The following SPATA9 variants were observed in gnomAD, a reference collection of about 807,000 sequenced individuals.
SPATA9 encodes the protein spermatogenesis associated 9.
A neutral mutation model predicts 25.5 loss-of-function variants in SPATA9; 27 were observed. That is an observed-to-expected ratio of 1.06 (90% CI 0.78 to 1.46). The LOEUF is 1.46. SPATA9 is among the 40% of genes most tolerant of loss of function. The probability of loss-of-function intolerance (pLI) is 0.00; values close to 1 mark genes in which losing one functional copy is unlikely to be tolerated. For missense variants in SPATA9, 282 were observed against 297.5 expected, an observed-to-expected ratio of 0.95 and a Z score of 0.38; for synonymous variants, 102 against 105.7, an observed-to-expected ratio of 0.97 and a Z score of 0.21.
rs189103181 is a variant in SPATA9 at position 95,680,350 on chromosome 5, G to A, written c.150+2178C>T. ...TTGGTGAATGAGGGGTTCCACGTAA[G>A]TAAATTTTCTGGGTAACTAAAATTT... On this transcript the variant is annotated intron_variant, in intron 2 of 4. Transcript: ENST00000274432. Among the ~76,000 whole-genome samples, 33 of 152,344 alleles carry A rather than the reference G, an allele frequency of 2.2e-4. 3 individuals carry two copies. The highest frequency in any genetic ancestry group is 7.9e-4 in the African/African-American group (33 of 41,574).
chr5:95,711,993 C>T, the SPATA9 span, among the ~76,000 whole-genome samples: 3 of 152,136 alleles, frequency 2.0e-5, no homozygotes, highest in Admixed American at 1.3e-4. Context: ...TTTCTTAAGG[C>T]GGACTCCATA....
At chr5:95,705,091 C>T in the SPATA9 span, among the ~76,000 whole-genome samples, 1,173 of 151,934 alleles carry the variant, frequency 7.7e-3, 18 homozygotes, top group Admixed American at 0.03. Flanking sequence ...ACTACAGATG[C>T]ACACCACTGC....
chr5:95,711,334 G>A, the SPATA9 span, among the ~76,000 whole-genome samples: 1 of 152,196 alleles, frequency 6.6e-6, no homozygotes, highest in African/African-American at 2.4e-5. Flanking sequence ...AGAGTTAAAA[G>A]GAGCGGTTGG....
chr5:95,710,997 G>C, the SPATA9 span, among the ~76,000 whole-genome samples: 1 of 152,052 alleles, frequency 6.6e-6, no homozygotes, highest in Non-Finnish European at 1.5e-5. Context: ...TTCGGGGGCC[G>C]CCGGGTCAAA....
the SPATA9 span, chr5:95,708,683 C>T: frequency 1.4e-6 from 1 of 695,852 alleles, no homozygotes; most frequent in East Asian, 2.7e-5. Flanking sequence ...CCAAATCCTG[C>T]TGCAAGGTTG....
intron 1 of SPATA9, among the ~76,000 whole-genome samples, chr5:95,692,146 G>T (rs1438788295): frequency 6.6e-6 from 1 of 152,044 alleles, no homozygotes; most frequent in Non-Finnish European, 1.5e-5. Flanking sequence ...GTACTTAACA[G>T]ATTGGTATTA....
chr5:95,700,333 T>C (rs1362751916), upstream of SPATA9, among the ~76,000 whole-genome samples: 5 of 151,914 alleles, frequency 3.3e-5, no homozygotes, highest in Admixed American at 3.3e-4. Context: ...GGAGTCTCAC[T>C]CCATCACCCA....
At chr5:95,675,729 T>C in intron 2 of SPATA9, 90 bp from the exon 3 acceptor site, 1 of 994,576 alleles carries the variant, frequency 1.0e-6, no homozygotes, top group Non-Finnish European at 1.5e-6. Flanking sequence ...ACTATATAAC[T>C]ACATTGTGCA....
At chr5:95,662,443 G>C (rs564091029) in intron 4 of SPATA9, among the ~76,000 whole-genome samples, 1 of 152,082 alleles carries the variant, frequency 6.6e-6, no homozygotes, top group Non-Finnish European at 1.5e-5. Flanking sequence ...TTTAAGACTG[G>C]ATCTCACTAT....
chr5:95,722,225 G>A, the SPATA9 span, among the ~76,000 whole-genome samples: 3 of 152,072 alleles, frequency 2.0e-5, no homozygotes, highest in South Asian at 6.2e-4. Flanking sequence ...CAGGAGATGG[G>A]GAAGGCTTTT....
Position 95,682,920 on chromosome 5 carries a change from T to A in SPATA9, c.-66A>T. ...CAGGCCTGGGTAATGCTTGTCCTAG[T>A]CTGCCATTAGTGAAAGATGAGGGTA... On this transcript the variant is annotated 5_prime_UTR_variant, in exon 1 of 5. Transcript: ENST00000274432. 1 of 1,430,972 alleles carries A rather than the reference T, an allele frequency of 7.0e-7. No individual in the cohort carries two copies. The highest frequency in any genetic ancestry group is 9.2e-7 in the Non-Finnish European group (1 of 1,091,038). 88.6% of individuals were successfully genotyped at this position (1,430,972 alleles called of 1,614,324 possible).
the SPATA9 span, among the ~76,000 whole-genome samples, chr5:95,721,546 G>A: frequency 2.6e-5 from 4 of 152,258 alleles, no homozygotes; most frequent in Middle Eastern, 3.4e-3. Context: ...TAGCTGGAAA[G>A]ATGGTAATGA....
chr5:95,695,061 T>G (rs1199112915), intron 1 of SPATA9, among the ~76,000 whole-genome samples: 2 of 152,210 alleles, frequency 1.3e-5, no homozygotes, highest in East Asian at 3.8e-4. Context: ...GTACATACAG[T>G]ATGAAGTCTT....
chr5:95,731,154 C>A, the SPATA9 span: 1 of 1,018,304 alleles, frequency 9.8e-7, no homozygotes, highest in Non-Finnish European at 1.2e-6. Context: ...CCCGCGCGGG[C>A]GGCTCCTTTG....
At chr5:95,658,064 A>G (rs1045694256), downstream of SPATA9, 17 of 152,318 alleles carry the variant, frequency 1.1e-4, no homozygotes, top group African/African-American at 4.1e-4. Flanking sequence ...AATAAAAATC[A>G]TATCATGTAC....
rs532669012 is a variant in SPATA9 at position 95,671,358 on chromosome 5, T to A, written c.378+4054A>T. Among the ~76,000 whole-genome samples, 281 of 152,324 alleles carry A rather than the reference T, an allele frequency of 1.8e-3. 1 individual carries two copies. Among genetic ancestry groups the A allele is most frequent in the Admixed American group, 2.4e-3 (37 of 15,290 alleles). On this transcript the variant is annotated intron_variant, in intron 3 of 4. Coordinates refer to ENST00000274432, the MANE Select transcript of SPATA9 (RefSeq NM_031952.4). ...CAGTCCATAGGGCAAGGGTGAGACA[T>A]CTCTGAGTCCCTGGTACCTAATCTA...
At chr5:95,691,976 T>G (rs1753905868) in intron 1 of SPATA9, among the ~76,000 whole-genome samples, 2 of 152,182 alleles carry the variant, frequency 1.3e-5, no homozygotes, top group South Asian at 4.1e-4. Context: ...TTTGTTGACA[T>G]AGCAAAGTAT....
intron 3 of SPATA9, among the ~76,000 whole-genome samples, chr5:95,673,186 G>A (rs1377428190): frequency 6.6e-6 from 1 of 151,980 alleles, no homozygotes; most frequent in Non-Finnish European, 1.5e-5. Context: ...AAGTCCCCAG[G>A]GTCTCCTGAT....
chr5:95,689,442 G>C (rs987068), intron 1 of SPATA9, among the ~76,000 whole-genome samples: 118,416 of 152,072 alleles, frequency 0.78, 47,156 homozygotes, highest in East Asian at 0.97. Flanking sequence ...TTTTAAAAAG[G>C]AATCCCTAAA....
Sources: allele counts gnomAD v4.1 joint callset (sites outside exome capture counted in the v4.1 genomes callset), GRCh38; gene constraint gnomAD v4.1.1; transcripts MANE v1.5; gene names NCBI Gene and HGNC (gene_info 2026-07-23, HGNC 2026-07-21).